The following SH3RF1 variants were observed in gnomAD, a reference collection of about 807,000 sequenced individuals.
The protein encoded by SH3RF1 is E3 ubiquitin-protein ligase SH3RF1.
A neutral mutation model predicts 74.0 loss-of-function variants in SH3RF1; 32 were observed. That is an observed-to-expected ratio of 0.43 (90% CI 0.33 to 0.58). The LOEUF (loss-of-function observed/expected upper bound fraction) is 0.58. Ranked by LOEUF, SH3RF1 falls within the 20% of genes least tolerant of loss-of-function variation. SH3RF1 has a pLI of 0.05. For missense variants in SH3RF1, 954 were observed against 1,130.9 expected, an observed-to-expected ratio of 0.84 and a Z score of 2.24; for synonymous variants, 396 against 439.6, an observed-to-expected ratio of 0.90 and a Z score of 1.24.
intron 5 of SH3RF1, among the ~76,000 whole-genome samples, chr4:169,131,583 A>T (rs1006025626): frequency 6.6e-6 from 1 of 152,244 alleles, no homozygotes; most frequent in Non-Finnish European, 1.5e-5. Flanking sequence ...GTCTGAAGGC[A>T]GGGAACCTAA....
chr4:169,115,207 A>ACCTC (rs1733310706), intron 10 of SH3RF1, among the ~76,000 whole-genome samples: 1 of 152,126 alleles, frequency 6.6e-6, no homozygotes, highest in Admixed American at 6.5e-5. Context: ...GTTTCCTTAT[A>ACCTC]TTTCAAGTCT....
At chr4:169,265,842 T>G (rs1293958747) in intron 2 of SH3RF1, among the ~76,000 whole-genome samples, 2 of 152,260 alleles carry the variant, frequency 1.3e-5, no homozygotes, top group Non-Finnish European at 2.9e-5. Flanking sequence ...CATTACTTAA[T>G]GATTCCTTAA....
rs371929990 is a variant in SH3RF1, at chr4:169,132,640, A to G, written c.1069-2484T>C. Among the ~76,000 whole-genome samples the G allele has an allele frequency of 1.3e-4, 19 of 151,936 alleles. 1 individual carries two copies. Among genetic ancestry groups the G allele is most frequent in the Admixed American group, 8.5e-4 (13 of 15,274 alleles). Reference sequence around the variant, plus strand: ...TACCCTTTTCTCATGGAACTGCAAAAATTAGTTGTCTCCTCTGCAAGAAAG... The same window carrying G: ...TACCCTTTTCTCATGGAACTGCAAAGATTAGTTGTCTCCTCTGCAAGAAAG... On this transcript the variant is annotated intron_variant, in intron 5 of 11. Transcript: ENST00000284637.
intron 2 of SH3RF1, among the ~76,000 whole-genome samples, chr4:169,170,334 C>G (rs555710110): frequency 1.4e-4 from 22 of 152,050 alleles, no homozygotes; most frequent in Non-Finnish European, 2.5e-4. Flanking sequence ...CATGCGTGCA[C>G]CTGAGACTAC....
intron 2 of SH3RF1, among the ~76,000 whole-genome samples, chr4:169,260,197 C>A (rs1050078011): frequency 6.6e-6 from 1 of 152,116 alleles, no homozygotes; most frequent in South Asian, 2.1e-4. Context: ...GACATACTGC[C>A]CCTACTCACA....
intron 2 of SH3RF1, among the ~76,000 whole-genome samples, chr4:169,263,785 G>A (rs1226202105): frequency 1.3e-5 from 2 of 152,208 alleles, no homozygotes; most frequent in Non-Finnish European, 2.9e-5. Flanking sequence ...ATTTGTCAGA[G>A]ATAAGAAAGT....
intron 2 of SH3RF1, among the ~76,000 whole-genome samples, chr4:169,258,499 T>C (rs1731225513): frequency 6.6e-6 from 1 of 152,134 alleles, no homozygotes; most frequent in African/African-American, 2.4e-5. Context: ...TATAGTACAG[T>C]TAAGACAGGA....
chr4:169,186,789 G>A (rs998862097), intron 2 of SH3RF1, among the ~76,000 whole-genome samples: 2 of 150,432 alleles, frequency 1.3e-5, no homozygotes, highest in South Asian at 2.1e-4. Flanking sequence ...GGCGGATCAC[G>A]AGGTCAGGAG....
In SH3RF1 at chr4:169,094,855, C is replaced by T. The variant is rs1479786386; in HGVS notation, c.*1664G>A. The T allele has an allele frequency of 6.6e-6, 1 of 151,226 alleles. No homozygotes were observed. The highest frequency in any genetic ancestry group is 2.4e-5 in the African/African-American group (1 of 41,168). 9.4% of individuals were successfully genotyped at this position (151,226 alleles called of 1,614,324 possible). On this transcript the variant is annotated 3_prime_UTR_variant, in exon 12 of 12. Coordinates refer to ENST00000284637, the MANE Select transcript of SH3RF1 (RefSeq NM_020870.4). ...AAGTATCTTTTTAAGACCATGAAAC[C>T]TCTTGTCATTGCAAGACTTTTCAGT...
chr4:169,113,327 T>G (rs1733272586), intron 10 of SH3RF1, among the ~76,000 whole-genome samples: 1 of 152,144 alleles, frequency 6.6e-6, no homozygotes, highest in South Asian at 2.1e-4. Flanking sequence ...GCCAGGCTGG[T>G]CTCAACTCCT....
chr4:169,176,909 C>A (rs1009701307), intron 2 of SH3RF1, among the ~76,000 whole-genome samples: 1 of 151,530 alleles, frequency 6.6e-6, no homozygotes, highest in African/African-American at 2.4e-5. Flanking sequence ...GTGCATGTTA[C>A]CGTGCCTGGT....
intron 2 of SH3RF1, among the ~76,000 whole-genome samples, chr4:169,248,976 C>T (rs1731053866): frequency 6.6e-6 from 1 of 152,114 alleles, no homozygotes; most frequent in African/African-American, 2.4e-5. Context: ...GCCTATAATC[C>T]CAGCACTTTG....
chr4:169,256,332 A>C (rs1488816247), intron 2 of SH3RF1, among the ~76,000 whole-genome samples: 1 of 151,634 alleles, frequency 6.6e-6, no homozygotes, highest in African/African-American at 2.4e-5. Context: ...GGAGAAATAG[A>C]GGGAGGGAGG....
intron 8 of SH3RF1, among the ~76,000 whole-genome samples, chr4:169,120,461 C>T (rs552732040): frequency 9.8e-5 from 15 of 152,320 alleles, no homozygotes; most frequent in South Asian, 6.2e-4. Context: ...GCATATAGTA[C>T]GCATTATATA....
chr4:169,219,750 T>C (rs1165505213), intron 2 of SH3RF1, among the ~76,000 whole-genome samples: 1 of 152,226 alleles, frequency 6.6e-6, no homozygotes, highest in African/African-American at 2.4e-5. Flanking sequence ...CAGGGGTTTA[T>C]AAATTTTGTA....
intron 11 of SH3RF1, among the ~76,000 whole-genome samples, chr4:169,105,099 G>A (rs1182413266): frequency 6.6e-6 from 1 of 151,968 alleles, no homozygotes; most frequent in Non-Finnish European, 1.5e-5. Context: ...TGAATTTAAG[G>A]CATTTAAAAA....
Position 169,269,263 on chromosome 4 carries a change from G to A in SH3RF1, c.-51C>T, listed in dbSNP as rs987548762. The A allele has an allele frequency of 2.0e-6, 3 of 1,502,520 alleles. No homozygotes were observed. The highest frequency in any genetic ancestry group is 2.7e-6 in the Non-Finnish European group (3 of 1,130,942). The allele number at this position is 1,502,520 out of a possible 1,614,324, so 93.1% of individuals were successfully genotyped here. On this transcript the variant is annotated 5_prime_UTR_variant, in exon 2 of 12. Coordinates refer to ENST00000284637, the MANE Select transcript of SH3RF1 (RefSeq NM_020870.4). Reference sequence around the variant, plus strand: ...TCTTCAGAAATGTTCATAGTTGTGTGCATCCCTTAAAATGACTCATGTAAC... The same window carrying A: ...TCTTCAGAAATGTTCATAGTTGTGTACATCCCTTAAAATGACTCATGTAAC...
At position 169,253,565 on chromosome 4, in the gene SH3RF1, A is replaced by G. The variant is rs570447725; in HGVS notation, c.393+15255T>C. Among the ~76,000 whole-genome samples, 3 of 152,240 alleles carry G rather than the reference A, an allele frequency of 2.0e-5. No individual in the cohort carries two copies. The South Asian group carries it at 6.2e-4, about 32-fold the overall frequency. On this transcript the variant is annotated intron_variant, in intron 2 of 11. Coordinates refer to ENST00000284637, the MANE Select transcript of SH3RF1 (RefSeq NM_020870.4). ...TTCCGCTCCATTCTCAATAATTTTA[A>G]TTTAATTTTGAATGTGCATGTTGCC...
chr4:169,265,226 C>G (rs1052483003), intron 2 of SH3RF1, among the ~76,000 whole-genome samples: 1 of 152,166 alleles, frequency 6.6e-6, no homozygotes, highest in African/African-American at 2.4e-5. Context: ...GGTTTGTCTA[C>G]CATTACCTAT....
Sources: allele counts gnomAD v4.1 joint callset (sites outside exome capture counted in the v4.1 genomes callset), GRCh38; gene constraint gnomAD v4.1.1; transcripts MANE v1.5; gene names NCBI Gene and HGNC (gene_info 2026-07-23, HGNC 2026-07-21).